The following ASB18 variants were observed in gnomAD, a reference collection of about 807,000 sequenced individuals.
The protein encoded by ASB18 is ankyrin repeat and SOCS box containing 18, also known as ankyrin repeat and SOCS box protein 18.
ASB18 carries 33 observed loss-of-function variants against 33.4 expected under a neutral mutation model. The ratio of observed to expected loss-of-function variants is 0.99; its 90% CI spans 0.75 to 1.32. The LOEUF (loss-of-function observed/expected upper bound fraction) is 1.32. Ranked by LOEUF, ASB18 falls within the 40% of genes most tolerant of loss-of-function variation. The pLI, the probability that ASB18 is intolerant of heterozygous loss-of-function variation, is 0.00. For missense variants in ASB18, 694 were observed against 655.5 expected, an observed-to-expected ratio of 1.06 and a Z score of -0.64; for synonymous variants, 295 against 307.6, an observed-to-expected ratio of 0.96 and a Z score of 0.43.
At chr2:236,232,261 CAA>C (rs34385265) in intron 3 of ASB18, among the ~76,000 whole-genome samples, 43,384 of 146,914 alleles carry the variant, frequency 0.3, 10,111 homozygotes, top group African/African-American at 0.65. Context: ...ACCCATGACT[CAA>C]AAAAAAAAAA....
rs573133799 is a variant in ASB18, at chr2:236,259,580, G to A, written c.205+4561C>T. 6.6e-4 allele frequency: 311 copies of A among 471,186 alleles called. 2 individuals carry two copies. The highest frequency in any genetic ancestry group is 1.0e-3 in the Non-Finnish European group (227 of 227,040). 29.2% of individuals were successfully genotyped at this position (471,186 alleles called of 1,614,324 possible). A position where few individuals can be genotyped will look rare whatever the true frequency, so the allele number is the denominator to read the frequency against. The stretch of plus-strand genomic sequence containing the variant: ...GACGTGACCTCCCCTGCATGGGGTC[G>A]GAAGGATGAGATGGCAAAGGTGAGC... On this transcript the variant is annotated intron_variant, in intron 1 of 5. Transcript: ENST00000409749. The surrounding 1 kb of genome is among the most constrained non-coding windows in gnomAD (Gnocchi z 4.4).
chr2:236,200,674 G>A lies in ASB18; in HGVS notation c.1102-4289C>T, dbSNP rs981729738. Among the ~76,000 whole-genome samples, 1 of 152,204 alleles carries A rather than the reference G, an allele frequency of 6.6e-6. No individual in the cohort carries two copies. Among genetic ancestry groups the A allele is most frequent in the Non-Finnish European group, 1.5e-5 (1 of 68,044 alleles). On this transcript the variant is annotated intron_variant, in intron 4 of 5. Transcript: ENST00000409749. This position sits in a 1 kb window ranked among gnomAD's most constrained non-coding sequence, Gnocchi z 4.2. ...ATACCCAGCTGGAAGGCAGAGGGCC[G>A]AGAGCTGTAGAATGAGGTCCATACG...
At position 236,223,276 on chromosome 2, in the gene ASB18, C is replaced by T. The variant is rs1471062247; in HGVS notation, c.597-8410G>A. 6.6e-6 allele frequency among the ~76,000 whole-genome samples: 1 copy of T among 152,186 alleles called. No homozygotes were observed. Among genetic ancestry groups the T allele is most frequent in the Non-Finnish European group, 1.5e-5 (1 of 68,044 alleles). ...TACACTTCACATGCCCACTAAGCAG[C>T]ATTTGACTTTCTAGAAGCTTCATTG... On this transcript the variant is annotated intron_variant, in intron 3 of 5. Transcript: ENST00000409749. The surrounding 1 kb of genome is among the most constrained non-coding windows in gnomAD (Gnocchi z 4.6).
Position 236,214,648 on chromosome 2 carries a change from CAGCGCCCG to C in ASB18, c.807_814del (p.His269GlnfsTer130). On this transcript the variant is annotated frameshift_variant, in exon 4 of 6. Transcript: ENST00000409749. LOFTEE classifies it high-confidence loss of function. This position sits in a 1 kb window ranked among gnomAD's most constrained non-coding sequence, Gnocchi z 6.5. Reference sequence around the variant, plus strand: ...CAGCAGCAGCGCGCACAGGCGCAGGCAGCGCCCGTGCTCGTCGGGCCTCCGCGCCGCAC... The same window carrying C: ...CAGCAGCAGCGCGCACAGGCGCAGGCTGCTCGTCGGGCCTCCGCGCCGCAC... The C allele has an allele frequency of 2.6e-6, 3 of 1,162,074 alleles. No individual in the cohort carries two copies. The highest frequency in any genetic ancestry group is 3.2e-6 in the Non-Finnish European group (3 of 944,760). 72.0% of individuals were successfully genotyped at this position (1,162,074 alleles called of 1,614,324 possible). A position where few individuals can be genotyped will look rare whatever the true frequency, so the allele number is the denominator to read the frequency against.
In ASB18 at chr2:236,245,810, A is replaced by G. The variant is rs924501978; in HGVS notation, c.206-4408T>C. On this transcript the variant is annotated intron_variant, in intron 1 of 5. Coordinates refer to ENST00000409749, the MANE Select transcript of ASB18 (RefSeq NM_212556.4). The surrounding 1 kb of genome is among the most constrained non-coding windows in gnomAD (Gnocchi z 4.7). ...GTGTTCCACACAGAGAAGGTCTTCA[A>G]TGCCAACAGTGAAGAGAACGAATGG... Among the ~76,000 whole-genome samples the G allele has an allele frequency of 4.6e-5, 7 of 152,336 alleles. No homozygotes were observed. In the South Asian group the frequency reaches 1.2e-3, roughly 27 times the overall value.
rs1434948186 is a variant in ASB18, at chr2:236,245,495, G to A, written c.206-4093C>T. Among the ~76,000 whole-genome samples, 1 of 152,204 alleles carries A rather than the reference G, an allele frequency of 6.6e-6. No homozygotes were observed. Among genetic ancestry groups the A allele is most frequent in the Non-Finnish European group, 1.5e-5 (1 of 68,034 alleles). On this transcript the variant is annotated intron_variant, in intron 1 of 5. Transcript: ENST00000409749. This position sits in a 1 kb window ranked among gnomAD's most constrained non-coding sequence, Gnocchi z 4.7. ...CCACACCTTAGTATAGGGGTCTGCA[G>A]TCCCCAGATAGTGCCTTCGTCTCTC...
rs987601740 is a variant in ASB18 at position 236,260,312 on chromosome 2, C to T, written c.205+3829G>A. On this transcript the variant is annotated intron_variant, in intron 1 of 5. Coordinates refer to ENST00000409749, the MANE Select transcript of ASB18 (RefSeq NM_212556.4). The surrounding 1 kb of genome is among the most constrained non-coding windows in gnomAD (Gnocchi z 5.1). ...CAGGTGGGCATCACCAGCTCTGCCCCCTCTCTTGGCCCAGCCCTGTTTTCC... is the reference window on the plus strand; with the variant it reads ...CAGGTGGGCATCACCAGCTCTGCCCTCTCTCTTGGCCCAGCCCTGTTTTCC... 1.3e-5 allele frequency among the ~76,000 whole-genome samples: 2 copies of T among 152,194 alleles called. No homozygotes were observed. The highest frequency in any genetic ancestry group is 4.8e-5 in the African/African-American group (2 of 41,456).
rs1000195931 is a variant in ASB18, at chr2:236,196,020, G to T, written c.1215+252C>A. The T allele has an allele frequency of 3.9e-6, 2 of 506,754 alleles. No homozygotes were observed. The highest frequency in any genetic ancestry group is 7.3e-6 in the Non-Finnish European group (2 of 274,382). The allele number at this position is 506,754 out of a possible 1,614,324, so 31.4% of individuals were successfully genotyped here. On this transcript the variant is annotated intron_variant, in intron 5 of 5. Transcript: ENST00000409749. This position sits in a 1 kb window ranked among gnomAD's most constrained non-coding sequence, Gnocchi z 5.6. ...TGGACACTGGTTAAGGAACCCTCGC[G>T]CTTTTCAGGCCAGCACGGGGCTCTG...
In ASB18 at chr2:236,251,051, C is replaced by G. The variant is rs565830426; in HGVS notation, c.206-9649G>C. ...TGGAGGAACACAATAAGGGAGGAAA[C>G]CACCTCACTAACTTATTTTCCCGTC... On this transcript the variant is annotated intron_variant, in intron 1 of 5. Transcript: ENST00000409749. The surrounding 1 kb of genome is among the most constrained non-coding windows in gnomAD (Gnocchi z 5.3). Among the ~76,000 whole-genome samples, 1 of 152,292 alleles carries G rather than the reference C, an allele frequency of 6.6e-6. No homozygotes were observed. The highest frequency in any genetic ancestry group is 1.5e-5 in the Non-Finnish European group (1 of 68,030).
chr2:236,215,513 T>A lies in ASB18; in HGVS notation c.597-647A>T, dbSNP rs527768025. ...TATTGGCTGCACCTGAATTCCCCAG[T>A]GGTCTCCAGGAGCTTCTAGACCCCC... On this transcript the variant is annotated intron_variant, in intron 3 of 5. Transcript: ENST00000409749. The surrounding 1 kb of genome is among the most constrained non-coding windows in gnomAD (Gnocchi z 7.2). Among the ~76,000 whole-genome samples the A allele has an allele frequency of 1.3e-5, 2 of 152,280 alleles. No homozygotes were observed. Among genetic ancestry groups the A allele is most frequent in the South Asian group, 2.1e-4 (1 of 4,828 alleles).
In ASB18 at chr2:236,250,411, T is replaced by C. The variant is rs1353283238; in HGVS notation, c.206-9009A>G. 5 of 152,268 alleles carry C rather than the reference T, an allele frequency of 3.3e-5. No homozygotes were observed. The highest frequency in any genetic ancestry group is 2.6e-4 in the Admixed American group (4 of 15,288). The allele number at this position is 152,268 out of a possible 1,614,324, so 9.4% of individuals were successfully genotyped here. A position where few individuals can be genotyped will look rare whatever the true frequency, so the allele number is the denominator to read the frequency against. ...GATTCTTTCCTAGGTCATTGGCAAA[T>C]GTCTGGCTTCCTTCTGGAAGTGTCC... On this transcript the variant is annotated intron_variant, in intron 1 of 5. Transcript: ENST00000409749. This position sits in a 1 kb window ranked among gnomAD's most constrained non-coding sequence, Gnocchi z 4.1.
Position 236,203,012 on chromosome 2 carries a change from T to A in ASB18, c.1102-6627A>T, listed in dbSNP as rs2106264118. 6.6e-6 allele frequency among the ~76,000 whole-genome samples: 1 copy of A among 152,148 alleles called. No homozygotes were observed. The highest frequency in any genetic ancestry group is 2.4e-5 in the African/African-American group (1 of 41,488). On this transcript the variant is annotated intron_variant, in intron 4 of 5. Transcript: ENST00000409749. This position sits in a 1 kb window ranked among gnomAD's most constrained non-coding sequence, Gnocchi z 6.0. ...ATCTCCTTCAGTAACAATTTTGGTA[T>A]TTGCATTTAGTTTTACAATGTGTTT...
In ASB18 at chr2:236,237,831, C is replaced by T; in HGVS notation, c.454G>A (p.Gly152Ser). 1.5e-6 allele frequency: 2 copies of T among 1,375,216 alleles called. No individual in the cohort carries two copies. Among genetic ancestry groups the T allele is most frequent in the Admixed American group, 3.8e-5 (1 of 26,096 alleles). The allele number at this position is 1,375,216 out of a possible 1,614,324, so 85.2% of individuals were successfully genotyped here. A position where few individuals can be genotyped will look rare whatever the true frequency, so the allele number is the denominator to read the frequency against. ...RGADPDASPG[G>S]RGALHEACLG... ...CAGGCCTCGTGCAGGGCGCCGCGGCCGCCGGGGCTGGCGTCTGGGTCTGCG... is the reference window on the plus strand; with the variant it reads ...CAGGCCTCGTGCAGGGCGCCGCGGCTGCCGGGGCTGGCGTCTGGGTCTGCG... Residue 152 changes from glycine (G) to serine (S), a missense_variant, in exon 3 of 6, where the codon GGC becomes AGC. Coordinates refer to ENST00000409749, the MANE Select transcript of ASB18 (RefSeq NM_212556.4). This position sits in a 1 kb window ranked among gnomAD's most constrained non-coding sequence, Gnocchi z 6.2.
In ASB18 at chr2:236,234,761, C is replaced by T. The variant is rs2060581198; in HGVS notation, c.596+2928G>A. Among the ~76,000 whole-genome samples, 1 of 152,152 alleles carries T rather than the reference C, an allele frequency of 6.6e-6. No homozygotes were observed. The highest frequency in any genetic ancestry group is 2.1e-4 in the South Asian group (1 of 4,822). On this transcript the variant is annotated intron_variant, in intron 3 of 5. Coordinates refer to ENST00000409749, the MANE Select transcript of ASB18 (RefSeq NM_212556.4). This position sits in a 1 kb window ranked among gnomAD's most constrained non-coding sequence, Gnocchi z 4.1. ...CAAAAATAAATAAAAAAGCTTCAAT[C>T]CCTACCTCACATCATATTCAGAAAT...
At position 236,203,278 on chromosome 2, in the gene ASB18, A is replaced by G. The variant is rs1226275684; in HGVS notation, c.1102-6893T>C. ...AAGATTTCTGGAAGAAGTGACATCC[A>G]AGCCGAGACCTGGCTCTGGAGCAGG... On this transcript the variant is annotated intron_variant, in intron 4 of 5. Coordinates refer to ENST00000409749, the MANE Select transcript of ASB18 (RefSeq NM_212556.4). The surrounding 1 kb of genome is among the most constrained non-coding windows in gnomAD (Gnocchi z 6.0). 6.6e-6 allele frequency among the ~76,000 whole-genome samples: 1 copy of G among 152,194 alleles called. No individual in the cohort carries two copies. The highest frequency in any genetic ancestry group is 1.5e-5 in the Non-Finnish European group (1 of 68,046).
At chr2:236,218,710 A>G (rs998243362) in intron 3 of ASB18, among the ~76,000 whole-genome samples, 7 of 149,654 alleles carry the variant, frequency 4.7e-5, no homozygotes, top group Non-Finnish European at 7.4e-5. Flanking sequence ...AGGCAGGAGA[A>G]TGGCGTGAAC....
In ASB18 at chr2:236,219,476, C is replaced by A. The variant is rs961161851; in HGVS notation, c.597-4610G>T. On this transcript the variant is annotated intron_variant, in intron 3 of 5. Transcript: ENST00000409749. The surrounding 1 kb of genome is among the most constrained non-coding windows in gnomAD (Gnocchi z 6.4). The stretch of plus-strand genomic sequence containing the variant: ...TTTGGAACGTATGTATGGCAATGCC[C>A]ATGAGAAGGTGAGGAGAGGAGAGGC... 1.3e-5 allele frequency among the ~76,000 whole-genome samples: 2 copies of A among 152,136 alleles called. No individual in the cohort carries two copies. Among genetic ancestry groups the A allele is most frequent in the African/African-American group, 4.8e-5 (2 of 41,426 alleles).
rs573033036 is a variant in ASB18 at position 236,229,765 on chromosome 2, C to T, written c.596+7924G>A. Among the ~76,000 whole-genome samples the T allele has an allele frequency of 3.0e-3, 462 of 152,156 alleles. 1 individual carries two copies. Among genetic ancestry groups the T allele is most frequent in the African/African-American group, 5.4e-3 (223 of 41,520 alleles). ...CTGAGGCAGGAGAATCATGTGAATC[C>T]GGGAAGCAGAGGTTGCAGTGAGCTG... On this transcript the variant is annotated intron_variant, in intron 3 of 5. Transcript: ENST00000409749. The surrounding 1 kb of genome is among the most constrained non-coding windows in gnomAD (Gnocchi z 5.2).
Position 236,200,680 on chromosome 2 carries a change from T to C in ASB18, c.1102-4295A>G, listed in dbSNP as rs1158266197. 6.6e-6 allele frequency among the ~76,000 whole-genome samples: 1 copy of C among 152,186 alleles called. No individual in the cohort carries two copies. The highest frequency in any genetic ancestry group is 2.4e-5 in the African/African-American group (1 of 41,450). ...AGCTGGAAGGCAGAGGGCCGAGAGC[T>C]GTAGAATGAGGTCCATACGGATCCA... On this transcript the variant is annotated intron_variant, in intron 4 of 5. Transcript: ENST00000409749. This position sits in a 1 kb window ranked among gnomAD's most constrained non-coding sequence, Gnocchi z 4.2.
Sources: allele counts gnomAD v4.1 joint callset (sites outside exome capture counted in the v4.1 genomes callset), GRCh38; gene constraint gnomAD v4.1.1; non-coding constraint Gnocchi (gnomAD v3.1); transcripts MANE v1.5; gene names NCBI Gene and HGNC (gene_info 2026-07-23, HGNC 2026-07-21).